PTPN12: variants seen among roughly 807,000 people sequenced by gnomAD.
PTPN12 encodes the protein protein tyrosine phosphatase non-receptor type 12, also known as tyrosine-protein phosphatase non-receptor type 12.
PTPN12 carries 29 observed loss-of-function variants against 97.6 expected under a neutral mutation model. The observed-to-expected ratio is 0.30, with a 90% CI of 0.22 to 0.41. The LOEUF (loss-of-function observed/expected upper bound fraction) is 0.41, where lower values mean the gene tolerates loss of function less well. Ranked by LOEUF, PTPN12 falls within the 10% of genes least tolerant of loss-of-function variation. The pLI is 1.00. For missense variants in PTPN12, 819 were observed against 926.0 expected, an observed-to-expected ratio of 0.88 and a Z score of 1.50; for synonymous variants, 327 against 300.4, an observed-to-expected ratio of 1.09 and a Z score of -0.91.
chr7:77,551,605 T>G (rs1307689574), intron 1 of PTPN12, among the ~76,000 whole-genome samples: 1 of 152,256 alleles, frequency 6.6e-6, no homozygotes, highest in Non-Finnish European at 1.5e-5. Context: ...TTCTTCAACA[T>G]CACGTTGTCC....
chr7:77,578,825 C>T (rs1407933750), intron 2 of PTPN12, among the ~76,000 whole-genome samples: 1 of 152,108 alleles, frequency 6.6e-6, no homozygotes, highest in Non-Finnish European at 1.5e-5. Context: ...GGCAATTCTA[C>T]TTTAGGATTT....
At chr7:77,558,484 A>G (rs1249058778) in intron 1 of PTPN12, among the ~76,000 whole-genome samples, 2 of 152,178 alleles carry the variant, frequency 1.3e-5, no homozygotes, top group African/African-American at 2.4e-5. Flanking sequence ...TAAAATAGCT[A>G]TTAGTAAGGA....
At chr7:77,585,332 C>T in intron 4 of PTPN12, 3 of 425,880 alleles carry the variant, frequency 7.0e-6, no homozygotes, top group Non-Finnish European at 8.3e-6. Context: ...TAATTGGAAC[C>T]AATTTAATTT....
At position 77,596,137 on chromosome 7, in the gene PTPN12, A is replaced by G. The variant is rs575165193; in HGVS notation, c.493-1705A>G. ...TCTGGGGGTGGTTACTACTTTGCAGATATTTTATTGGGTGGTAGATGCTTA... is the reference window on the plus strand; with the variant it reads ...TCTGGGGGTGGTTACTACTTTGCAGGTATTTTATTGGGTGGTAGATGCTTA... On this transcript the variant is annotated intron_variant, in intron 6 of 17. Transcript: ENST00000248594. Among the ~76,000 whole-genome samples, 12 of 152,272 alleles carry G rather than the reference A, an allele frequency of 7.9e-5. No individual in the cohort carries two copies. In the East Asian group the frequency reaches 2.3e-3, roughly 29 times the overall value.
At chr7:77,589,183 G>GCCTGA (rs1170503420) in intron 5 of PTPN12, among the ~76,000 whole-genome samples, 1 of 152,082 alleles carries the variant, frequency 6.6e-6, no homozygotes. Context: ...ACCGCACCAG[G>GCCTGA]CCTGAATATC....
At chr7:77,565,728 G>A (rs2151313043) in intron 1 of PTPN12, among the ~76,000 whole-genome samples, 1 of 152,280 alleles carries the variant, frequency 6.6e-6, no homozygotes, top group African/African-American at 2.4e-5. Context: ...AGGATTAGGG[G>A]AATACAAATT....
rs142046493 is a variant in PTPN12 at position 77,568,250 on chromosome 7, C to T, written c.100-2828C>T. 3.3e-3 allele frequency among the ~76,000 whole-genome samples: 501 copies of T among 152,260 alleles called. 4 individuals are homozygous for T. Among genetic ancestry groups the T allele is most frequent in the African/African-American group, 0.01 (436 of 41,532 alleles). ...ATAAATATTTGGACGCAAAAGTTCT[C>T]AAGGTTCATTATGAGAAATGTAGTC... On this transcript the variant is annotated intron_variant, in intron 1 of 17. Coordinates refer to ENST00000248594, the MANE Select transcript of PTPN12 (RefSeq NM_002835.4).
chr7:77,549,038 A>G (rs949020500), intron 1 of PTPN12, among the ~76,000 whole-genome samples: 4 of 152,178 alleles, frequency 2.6e-5, no homozygotes, highest in African/African-American at 4.8e-5. Context: ...ATTCACTTTT[A>G]TCTCAAATTA....
At position 77,637,021 on chromosome 7, in the gene PTPN12, T is replaced by G; in HGVS notation, c.2146T>G (p.Leu716Val). The change falls in exon 16 of 18, where the codon TTG (leucine) becomes GTG (valine). Residue 716 changes from leucine (L) to valine (V), a missense_variant. Leu to Val is a conservative substitution (Grantham distance 32, BLOSUM62 1). Coordinates refer to ENST00000248594, the MANE Select transcript of PTPN12 (RefSeq NM_002835.4). ...ERSEQKKSEG[L>V]ITSENEKCDH... Reference sequence around the variant, plus strand: ...GTATTAAATGTCTTCCTCGTAGGGCTTGATAACCTCTGAAAATGAGAAATG... The same window carrying G: ...GTATTAAATGTCTTCCTCGTAGGGCGTGATAACCTCTGAAAATGAGAAATG... 6.2e-7 allele frequency: 1 copy of G among 1,607,592 alleles called. No homozygotes were observed. Among genetic ancestry groups the G allele is most frequent in the Non-Finnish European group, 8.5e-7 (1 of 1,175,080 alleles).
intron 1 of PTPN12, among the ~76,000 whole-genome samples, chr7:77,544,721 G>A (rs1162273889): frequency 1.3e-5 from 2 of 152,118 alleles, no homozygotes; most frequent in Non-Finnish European, 2.9e-5. Flanking sequence ...CAGACTGAAC[G>A]CCTCCCAGGC....
chr7:77,625,380 T>TA (rs1231054376), intron 12 of PTPN12, among the ~76,000 whole-genome samples: 1 of 150,560 alleles, frequency 6.6e-6, no homozygotes, highest in African/African-American at 2.4e-5. Flanking sequence ...GCCTTCCTAG[T>TA]AGCTGGGACT....
intron 12 of PTPN12, among the ~76,000 whole-genome samples, chr7:77,621,167 G>A (rs1788923035): frequency 6.6e-6 from 1 of 151,586 alleles, no homozygotes; most frequent in African/African-American, 2.4e-5. Context: ...ACACACAGTA[G>A]CCTAAGCATA....
chr7:77,611,571 A>G (rs1389642376), intron 11 of PTPN12, among the ~76,000 whole-genome samples: 1 of 152,146 alleles, frequency 6.6e-6, no homozygotes, highest in African/African-American at 2.4e-5. Context: ...CAGCCTCCTG[A>G]GTAGCTGGGA....
At chr7:77,539,731 C>T (rs1214795344) in intron 1 of PTPN12, among the ~76,000 whole-genome samples, 1 of 152,086 alleles carries the variant, frequency 6.6e-6, no homozygotes, top group Non-Finnish European at 1.5e-5. Context: ...CAGATTCAAG[C>T]GATGCTCCTG....
At chr7:77,566,946 GAATT>G (rs1394722189) in intron 1 of PTPN12, among the ~76,000 whole-genome samples, 1 of 151,652 alleles carries the variant, frequency 6.6e-6, no homozygotes, top group African/African-American at 2.4e-5. Flanking sequence ...TATAATAAAT[GAATT>G]ATTTTATTAA....
intron 13 of PTPN12, 125 bp from the exon 14 acceptor site, chr7:77,632,222 AT>A: frequency 8.5e-6 from 6 of 703,854 alleles, no homozygotes; most frequent in South Asian, 5.0e-5. Context: ...GGTTTCTTGC[AT>A]TTTTTTGCAT....
intron 8 of PTPN12, 114 bp downstream of exon 8, chr7:77,600,920 A>G: frequency 6.3e-6 from 6 of 952,708 alleles, no homozygotes; most frequent in Non-Finnish European, 9.2e-6. Context: ...CCTTGATACA[A>G]TGTTTGGGAC....
At chr7:77,610,527 CTGTATACTGCAGT>C (rs759528512) in intron 9 of PTPN12, among the ~76,000 whole-genome samples, 30 of 152,166 alleles carry the variant, frequency 2.0e-4, no homozygotes, top group Admixed American at 2.6e-4. Flanking sequence ...TCTTTATTCC[CTGTATACTGCAGT>C]CATACTTTGG....
At chr7:77,553,364 C>A (rs959653255) in intron 1 of PTPN12, among the ~76,000 whole-genome samples, 2 of 152,216 alleles carry the variant, frequency 1.3e-5, no homozygotes, top group African/African-American at 4.8e-5. Context: ...CTTGCTTGAT[C>A]TGTCCATTTC....
Sources: allele counts gnomAD v4.1 joint callset (sites outside exome capture counted in the v4.1 genomes callset), GRCh38; gene constraint gnomAD v4.1.1; transcripts MANE v1.5; gene names NCBI Gene and HGNC (gene_info 2026-07-23, HGNC 2026-07-21).